ACSM3: variants seen among roughly 807,000 people sequenced by gnomAD.
ACSM3 encodes acyl-coenzyme A synthetase ACSM3, mitochondrial.
ACSM3 carries 61 observed loss-of-function variants against 74.1 expected under a neutral mutation model. The ratio of observed to expected loss-of-function variants is 0.82; its 90% confidence interval spans 0.67 to 1.02. The LOEUF (loss-of-function observed/expected upper bound fraction) is 1.02, where lower values mean the gene tolerates loss of function less well. Ranked by LOEUF, ACSM3 falls within the 50% of genes least tolerant of loss-of-function variation. ACSM3 has a pLI of 0.00. For synonymous variants in ACSM3, 213 were observed against 241.5 expected (o/e 0.88, Z 1.09); for missense variants, 660 against 697.0 (o/e 0.95, Z 0.60).
At chr16:20,696,348 T>C (rs972379128) in intron 1 of ACSM3, among the ~76,000 whole-genome samples, 1 of 152,254 alleles carries the variant, frequency 6.6e-6, no homozygotes, top group African/African-American at 2.4e-5. Flanking sequence ...CAGATTTGAC[T>C]TCACAAAGCT....
intron 1 of ACSM3, among the ~76,000 whole-genome samples, chr16:20,744,946 T>C (rs1006679520): frequency 1.1e-4 from 17 of 152,200 alleles, no homozygotes; most frequent in African/African-American, 4.1e-4. Context: ...TCATGGTTGC[T>C]GACTGTGCAG....
chr16:20,731,175 G>T (rs2079828266), intron 1 of ACSM3, among the ~76,000 whole-genome samples: 1 of 152,102 alleles, frequency 6.6e-6, no homozygotes, highest in African/African-American at 2.4e-5. Context: ...CCCTTCCTGA[G>T]ATTTGATCTC....
At chr16:20,792,439 TAAATATGCAAGTCAGATAG>T (rs1406746958) in intron 12 of ACSM3, 104 bp downstream of exon 12, 2 of 1,560,476 alleles carry the variant, frequency 1.3e-6, no homozygotes, top group East Asian at 4.5e-5. Flanking sequence ...ATTCATTTAC[TAAATATGCAAGTCAGATAG>T]AAATATGCTA....
At chr16:20,740,451 C>T (rs2079907177) in intron 1 of ACSM3, among the ~76,000 whole-genome samples, 1 of 152,218 alleles carries the variant, frequency 6.6e-6, no homozygotes. Context: ...GTGCTTGTTG[C>T]CCAGCTCTCT....
At chr16:20,743,663 GT>G (rs1257727548) in intron 1 of ACSM3, 2 of 152,152 alleles carry the variant, frequency 1.3e-5, no homozygotes, top group East Asian at 3.9e-4. Flanking sequence ...TCATCTTATT[GT>G]TTGCTTTTAC....
chr16:20,788,325 C>A (rs574985187), intron 9 of ACSM3, among the ~76,000 whole-genome samples: 1 of 152,274 alleles, frequency 6.6e-6, no homozygotes, highest in East Asian at 1.9e-4. Context: ...CAATTCCCAA[C>A]ATGCATGGCT....
At chr16:20,741,627 T>C in intron 1 of ACSM3, 7 of 1,574,378 alleles carry the variant, frequency 4.4e-6, no homozygotes, top group Non-Finnish European at 6.0e-6. Context: ...GGGCTCTAGC[T>C]GACGGGGCCC....
intron 4 of ACSM3, chr16:20,780,402 T>G: frequency 2.0e-6 from 1 of 511,598 alleles, no homozygotes. Flanking sequence ...TCACACAGAC[T>G]CCTTACTCTG....
chr16:20,770,320 C>A, intron 2 of ACSM3, 67 bp downstream of exon 2: 2 of 1,336,612 alleles, frequency 1.5e-6, no homozygotes, highest in Non-Finnish European at 2.1e-6. Context: ...TAGGTAACAT[C>A]TCTAATGTCT....
chr16:20,769,485 T>A (rs1226703838), intron 1 of ACSM3, among the ~76,000 whole-genome samples: 1 of 152,232 alleles, frequency 6.6e-6, no homozygotes, highest in Non-Finnish European at 1.5e-5. Context: ...TGTCTAATTG[T>A]TATTGGGCTA....
intron 1 of ACSM3, among the ~76,000 whole-genome samples, chr16:20,717,962 A>AAGAG (rs1567323211): frequency 8.2e-3 from 319 of 38,968 alleles, no homozygotes; most frequent in Non-Finnish European, 0.012. Flanking sequence ...AAGAGGAAGA[A>AAGAG]GAAGAAGAAG....
At chr16:20,770,338 T>C (rs756944779) in intron 2 of ACSM3, 85 bp downstream of exon 2, 40 of 1,237,202 alleles carry the variant, frequency 3.2e-5, no homozygotes, top group African/African-American at 7.6e-5. Context: ...TCTAGAAATA[T>C]TTTTGTTGCC....
intron 1 of ACSM3, among the ~76,000 whole-genome samples, chr16:20,732,219 T>C (rs2079834906): frequency 6.6e-6 from 1 of 152,168 alleles, no homozygotes; most frequent in Non-Finnish European, 1.5e-5. Flanking sequence ...TATAAAGACA[T>C]GAAGATGGCC....
chr16:20,712,947 GAA>G (rs2079749030), intron 1 of ACSM3, among the ~76,000 whole-genome samples: 1 of 151,256 alleles, frequency 6.6e-6, no homozygotes, highest in African/African-American at 2.4e-5. Flanking sequence ...GAAGTTTATA[GAA>G]AGAGATGACA....
chr16:20,712,957 A>T (rs999806397), intron 1 of ACSM3, among the ~76,000 whole-genome samples: 3 of 151,906 alleles, frequency 2.0e-5, no homozygotes, highest in Non-Finnish European at 4.4e-5. Context: ...GAAAGAGATG[A>T]CATGTAAACC....
intron 1 of ACSM3, chr16:20,739,200 G>T: frequency 1.1e-6 from 1 of 936,272 alleles, no homozygotes. Flanking sequence ...TCTAAAGATG[G>T]AGTCTCGCTT....
At chr16:20,732,651 G>A (rs991640295) in intron 1 of ACSM3, among the ~76,000 whole-genome samples, 1 of 152,106 alleles carries the variant, frequency 6.6e-6, no homozygotes, top group Non-Finnish European at 1.5e-5. Context: ...GGAAAGCAAT[G>A]GGGTAAAGGG....
rs954131853 is a variant in ACSM3 at position 20,792,434 on chromosome 16, T to C, written c.1554+99T>C. 3.8e-6 allele frequency: 6 copies of C among 1,564,722 alleles called. No individual in the cohort carries two copies. The African/African-American group carries it at 8.2e-5, about 21-fold the overall frequency. ...GAAACAGAATTAACCAAATGATTCA[T>C]TTACTAAATATGCAAGTCAGATAGA... On this transcript the variant is annotated intron_variant, in intron 12 of 13. Transcript: ENST00000289416.
rs537470631 is a variant in ACSM3 at position 20,748,031 on chromosome 16, G to A, written c.-189-1879G>A. 7.2e-5 allele frequency among the ~76,000 whole-genome samples: 11 copies of A among 152,260 alleles called. No homozygotes were observed. The East Asian group carries it at 1.9e-3, about 27-fold the overall frequency. ...GCACACCTGTGGTCCCAGCTACTTGGGGGGCTGAGGTGGGAGGATCGTTTG... is the reference window on the plus strand; with the variant it reads ...GCACACCTGTGGTCCCAGCTACTTGAGGGGCTGAGGTGGGAGGATCGTTTG... On this transcript the variant is annotated intron_variant, in intron 1 of 3. Coordinates refer to the ACSM3 transcript ENST00000561584.
Sources: gnomAD v4.1 joint callset for allele counts (sites outside exome capture counted in the v4.1 genomes callset) on GRCh38, gnomAD v4.1.1 for gene constraint, MANE v1.5 for transcripts, NCBI Gene and HGNC (gene_info 2026-07-23, HGNC 2026-07-21) for gene names.